Variants in TSHZ2 observed in about 807,000 individuals in gnomAD.
TSHZ2 encodes the protein teashirt zinc finger homeobox 2, also known as teashirt homolog 2.
A neutral mutation model predicts 74.4 loss-of-function variants in TSHZ2; 21 were observed. That is an observed-to-expected ratio of 0.28 (90% CI 0.20 to 0.41). TSHZ2 has a LOEUF of 0.41. TSHZ2 is among the 10% of genes least tolerant of loss of function. The pLI is 1.00. For synonymous variants in TSHZ2, 540 were observed against 515.3 expected (o/e 1.05, Z -0.65); for missense variants, 1,244 against 1,293.5 (o/e 0.96, Z 0.59).
chr20:53,295,025 T>C (rs1438465712), intron 2 of TSHZ2, among the ~76,000 whole-genome samples: 2 of 152,244 alleles, frequency 1.3e-5, no homozygotes, highest in Non-Finnish European at 2.9e-5. Flanking sequence ...TTGCAGTATT[T>C]ATGAACATCA....
chr20:52,989,867 T>C (rs963275071), intron 1 of TSHZ2, among the ~76,000 whole-genome samples: 1 of 151,944 alleles, frequency 6.6e-6, no homozygotes, highest in African/African-American at 2.4e-5. Context: ...TTTTCCTTTT[T>C]TTTTAACTTT....
chr20:53,151,505 G>A (rs1987677001), intron 1 of TSHZ2, among the ~76,000 whole-genome samples: 1 of 152,170 alleles, frequency 6.6e-6, no homozygotes, highest in South Asian at 2.1e-4. Flanking sequence ...CATATACCAT[G>A]TAGTAGATAA....
At chr20:53,221,275 AC>A (rs1397916519) in intron 1 of TSHZ2, among the ~76,000 whole-genome samples, 2 of 152,040 alleles carry the variant, frequency 1.3e-5, no homozygotes, top group African/African-American at 4.8e-5. Flanking sequence ...TTTATAAATT[AC>A]CCAGTCTCAG....
intron 1 of TSHZ2, among the ~76,000 whole-genome samples, chr20:53,136,088 G>C (rs1395258651): frequency 6.6e-6 from 1 of 152,140 alleles, no homozygotes; most frequent in African/African-American, 2.4e-5. Context: ...TTGCTGGTGG[G>C]GACACTCCAC....
At chr20:53,162,193 G>C (rs1045904711) in intron 1 of TSHZ2, among the ~76,000 whole-genome samples, 1 of 152,126 alleles carries the variant, frequency 6.6e-6, no homozygotes, top group African/African-American at 2.4e-5. Context: ...AAATAAAAGA[G>C]ACTCGCCTCA....
intron 1 of TSHZ2, among the ~76,000 whole-genome samples, chr20:53,194,645 C>A (rs1295237662): frequency 6.6e-6 from 1 of 152,140 alleles, no homozygotes; most frequent in African/African-American, 2.4e-5. Flanking sequence ...GTTGAGGGGG[C>A]TTGGGCAATT....
At chr20:53,358,771 G>A (rs542008467) in intron 2 of TSHZ2, among the ~76,000 whole-genome samples, 25 of 152,256 alleles carry the variant, frequency 1.6e-4, no homozygotes, top group Non-Finnish European at 2.6e-4. Flanking sequence ...CCATTCATCC[G>A]TTAGGGTTTT....
At chr20:53,324,155 C>T (rs1429761848) in intron 2 of TSHZ2, among the ~76,000 whole-genome samples, 3 of 152,148 alleles carry the variant, frequency 2.0e-5, no homozygotes, top group Admixed American at 1.3e-4. Context: ...TGAGAGAATG[C>T]CTCCACTCAC....
chr20:53,043,156 A>G lies in TSHZ2; in HGVS notation c.40+69823A>G, dbSNP rs1435028224. Among the ~76,000 whole-genome samples the G allele has an allele frequency of 2.6e-5, 4 of 152,232 alleles. No individual in the cohort carries two copies. The East Asian group carries it at 7.7e-4, about 29-fold the overall frequency. On this transcript the variant is annotated intron_variant, in intron 1 of 2. Transcript: ENST00000371497. Reference sequence around the variant, plus strand: ...GGAGACGGGATAAAGGTGAATGTAAATTTGATTGTGCATAAAAAAATTGCT... The same window carrying G: ...GGAGACGGGATAAAGGTGAATGTAAGTTTGATTGTGCATAAAAAAATTGCT...
At chr20:53,333,057 G>A (rs893634824) in intron 2 of TSHZ2, among the ~76,000 whole-genome samples, 1 of 152,090 alleles carries the variant, frequency 6.6e-6, no homozygotes, top group Admixed American at 6.5e-5. Context: ...AACTCAGAAG[G>A]TATCTCCCTC....
chr20:53,088,670 T>G (rs1260696242), intron 1 of TSHZ2, among the ~76,000 whole-genome samples: 4 of 152,188 alleles, frequency 2.6e-5, no homozygotes, highest in Admixed American at 6.5e-5. Flanking sequence ...CCTTTAAAAC[T>G]TCCCTTTCCC....
At chr20:53,053,781 C>G (rs1430472039) in intron 1 of TSHZ2, among the ~76,000 whole-genome samples, 1 of 152,102 alleles carries the variant, frequency 6.6e-6, no homozygotes, top group Non-Finnish European at 1.5e-5. Flanking sequence ...GGATCCATGC[C>G]AAAGTAAAAG....
intron 2 of TSHZ2, among the ~76,000 whole-genome samples, chr20:53,316,971 C>G (rs1979051511): frequency 6.6e-6 from 1 of 152,070 alleles, no homozygotes; most frequent in African/African-American, 2.4e-5. Flanking sequence ...ATTAATGCTT[C>G]AGTGTTTTGG....
At chr20:53,026,940 G>A (rs552647272) in intron 1 of TSHZ2, among the ~76,000 whole-genome samples, 4 of 151,876 alleles carry the variant, frequency 2.6e-5, no homozygotes, top group Non-Finnish European at 5.9e-5. Flanking sequence ...GGGTTCATAA[G>A]TTATTTATGT....
At position 53,048,112 on chromosome 20, in the gene TSHZ2, C is replaced by T. The variant is rs143784971; in HGVS notation, c.40+74779C>T. Among the ~76,000 whole-genome samples the T allele has an allele frequency of 2.7e-3, 417 of 152,290 alleles. 2 individuals are homozygous for T. Among genetic ancestry groups the T allele is most frequent in the South Asian group, 0.013 (63 of 4,816 alleles). ...CTGACCTTCCTCTCCGCTCAACATT[C>T]TGCATCATTCTCCATCTTGTGCAAA... On this transcript the variant is annotated intron_variant, in intron 1 of 2. Coordinates refer to ENST00000371497, the MANE Select transcript of TSHZ2 (RefSeq NM_173485.6).
intron 1 of TSHZ2, among the ~76,000 whole-genome samples, chr20:53,219,386 C>A (rs1385225983): frequency 6.6e-6 from 1 of 152,186 alleles, no homozygotes; most frequent in Non-Finnish European, 1.5e-5. Flanking sequence ...TTATAAAAGA[C>A]TGAAAATGGA....
At chr20:53,075,929 A>C (rs754630531) in intron 1 of TSHZ2, among the ~76,000 whole-genome samples, 5 of 152,126 alleles carry the variant, frequency 3.3e-5, no homozygotes, top group Non-Finnish European at 5.9e-5. Flanking sequence ...CAGTCTGGAG[A>C]CTGAAACACT....
chr20:53,213,821 C>G (rs1293363), intron 1 of TSHZ2, among the ~76,000 whole-genome samples: 9 of 151,836 alleles, frequency 5.9e-5, no homozygotes, highest in Admixed American at 5.9e-4. Flanking sequence ...GGCCCTGTCA[C>G]CGTGACTTCT....
At chr20:53,409,410 C>T (rs967299488) in intron 2 of TSHZ2, among the ~76,000 whole-genome samples, 1 of 151,924 alleles carries the variant, frequency 6.6e-6, no homozygotes, top group African/African-American at 2.4e-5. Flanking sequence ...AACAAAGACA[C>T]TTGTTTTGGC....
Sources: allele counts gnomAD v4.1 joint callset (sites outside exome capture counted in the v4.1 genomes callset), GRCh38; gene constraint gnomAD v4.1.1; transcripts MANE v1.5; gene names NCBI Gene and HGNC (gene_info 2026-07-23, HGNC 2026-07-21).